Variants in WIPF3 observed in about 807,000 individuals in gnomAD.
WIPF3 encodes WAS/WASL interacting protein family member 3, also known as WAS/WASL-interacting protein family member 3.
In WIPF3, 33 loss-of-function variants were observed where a neutral mutation model predicts 38.9. That is an observed-to-expected ratio of 0.85 (90% CI 0.64 to 1.14). The LOEUF (loss-of-function observed/expected upper bound fraction) is 1.14. WIPF3 is among the 50% of genes most tolerant of loss of function. WIPF3 has a pLI of 0.00. For synonymous variants in WIPF3, 324 were observed against 269.3 expected (o/e 1.20, Z -1.99); for missense variants, 711 against 652.5 (o/e 1.09, Z -0.98).
In WIPF3 at chr7:29,884,148, C is replaced by A. The variant is rs957124467; in HGVS notation, c.654C>A (p.Pro218=). The A allele has an allele frequency of 1.3e-6, 2 of 1,532,310 alleles. No homozygotes were observed. Among genetic ancestry groups the A allele is most frequent in the Admixed American group, 2.0e-5 (1 of 49,354 alleles). The allele number at this position is 1,532,310 out of a possible 1,614,324, so 94.9% of individuals were successfully genotyped here. A position where few individuals can be genotyped will look rare whatever the true frequency, so the allele number is the denominator to read the frequency against. Residue 218 remains proline (P), a synonymous_variant, in exon 5 of 9, where the codon CCC becomes CCA. Coordinates refer to ENST00000242140, the MANE Select transcript of WIPF3 (RefSeq NM_001080529.3). Reference sequence around the variant, plus strand: ...GGAACCTCCCGGTGGTTGCACCCCCCGTCCCCTGTGCGCCACCACCTCCAC... The same window carrying A: ...GGAACCTCCCGGTGGTTGCACCCCCAGTCCCCTGTGCGCCACCACCTCCAC... ...TKGNLPVVAP[P]VPCAPPPPPP...
rs11337399 is a variant in WIPF3, at chr7:29,886,347, C to CT, written c.1100-1694dup. On this transcript the variant is annotated intron_variant, in intron 5 of 8. Coordinates refer to ENST00000242140, the MANE Select transcript of WIPF3 (RefSeq NM_001080529.3). ...TTATGATGTGATGAAAAAGACAAAG[C>CT]TTTTTTTTTTTTTTTTTTTTTTTTT... Among the ~76,000 whole-genome samples, 40 of 46,572 alleles carry CT rather than the reference C, an allele frequency of 8.6e-4. 2 individuals carry two copies. Among genetic ancestry groups the CT allele is most frequent in the Non-Finnish European group, 9.9e-4 (28 of 28,394 alleles). The allele number at this position is 46,572 out of a possible 152,430, so 30.6% of individuals were successfully genotyped here.
At chr7:29,858,127 T>C (rs1785215521) in intron 2 of WIPF3, among the ~76,000 whole-genome samples, 1 of 152,222 alleles carries the variant, frequency 6.6e-6, no homozygotes, top group African/African-American at 2.4e-5. Context: ...AGTACAAGTA[T>C]TTTTGGTTCT....
intron 2 of WIPF3, 112 bp from the exon 3 acceptor site, chr7:29,875,718 G>A: frequency 2.1e-6 from 3 of 1,411,990 alleles, no homozygotes; most frequent in East Asian, 2.3e-5. Context: ...GATCAGCCTT[G>A]GGAGTGGGAC....
chr7:29,847,786 G>C (rs1449009878), intron 2 of WIPF3, among the ~76,000 whole-genome samples: 3 of 152,162 alleles, frequency 2.0e-5, no homozygotes, highest in Non-Finnish European at 4.4e-5. Context: ...TGGGGAGTTA[G>C]AGTAATATTT....
chr7:29,851,479 C>G (rs1785095511), intron 2 of WIPF3, among the ~76,000 whole-genome samples: 3 of 152,170 alleles, frequency 2.0e-5, no homozygotes, highest in African/African-American at 7.2e-5. Context: ...CAGGGTCATG[C>G]AAGACCACTC....
intron 1 of WIPF3, among the ~76,000 whole-genome samples, chr7:29,814,651 T>A (rs1784429425): frequency 6.6e-6 from 1 of 152,244 alleles, no homozygotes; most frequent in South Asian, 2.1e-4. Context: ...TGAGCCTTCA[T>A]TTCCTCATCT....
At chr7:29,909,409 A>T (rs1237494593) in intron 8 of WIPF3, among the ~76,000 whole-genome samples, 1 of 152,230 alleles carries the variant, frequency 6.6e-6, no homozygotes, top group Non-Finnish European at 1.5e-5. Flanking sequence ...AGTTAGATAG[A>T]CTAAGGAAAA....
At chr7:29,857,112 G>A (rs1020299005) in intron 2 of WIPF3, among the ~76,000 whole-genome samples, 3 of 152,224 alleles carry the variant, frequency 2.0e-5, no homozygotes, top group African/African-American at 7.2e-5. Flanking sequence ...GGATGAGAAT[G>A]GCTGCCCTCC....
chr7:29,853,848 G>A (rs1583604077), intron 2 of WIPF3, among the ~76,000 whole-genome samples: 1 of 152,188 alleles, frequency 6.6e-6, no homozygotes, highest in Non-Finnish European at 1.5e-5. Context: ...CACTGGTGGT[G>A]GTGTGGTTGG....
At position 29,915,076 on chromosome 7, in the gene WIPF3, A is replaced by ATTTTTT. The variant is rs1562794252; in HGVS notation, c.*560_*561insTTTTTT. 9.2e-6 allele frequency: 1 copy of ATTTTTT among 109,030 alleles called. No individual in the cohort carries two copies. Among genetic ancestry groups the ATTTTTT allele is most frequent in the Non-Finnish European group, 1.8e-5 (1 of 56,228 alleles). 6.8% of individuals were successfully genotyped at this position (109,030 alleles called of 1,614,324 possible). On this transcript the variant is annotated 3_prime_UTR_variant, in exon 9 of 9. Coordinates refer to ENST00000242140, the MANE Select transcript of WIPF3 (RefSeq NM_001080529.3). ...CTCGCTTCCATTTTGCAGTACAGGG[A>ATTTTTT]ATTTTTTTTTTTTTTTTTTTTTTTT...
intron 1 of WIPF3, among the ~76,000 whole-genome samples, chr7:29,813,321 G>A (rs1784409206): frequency 6.6e-6 from 1 of 152,186 alleles, no homozygotes; most frequent in African/African-American, 2.4e-5. Flanking sequence ...GAACACAGAT[G>A]TCTAACAACA....
chr7:29,912,126 G>C (rs1336951746), intron 8 of WIPF3, among the ~76,000 whole-genome samples: 1 of 152,122 alleles, frequency 6.6e-6, no homozygotes, highest in Admixed American at 6.6e-5. Flanking sequence ...GACTTGAATA[G>C]ACATTTCTCT....
At chr7:29,812,938 A>G (rs1000017766) in intron 1 of WIPF3, among the ~76,000 whole-genome samples, 14 of 152,348 alleles carry the variant, frequency 9.2e-5, no homozygotes, top group African/African-American at 3.4e-4. Context: ...CTAAATCGCT[A>G]TTGTCAGCCT....
intron 8 of WIPF3, chr7:29,906,313 CG>C (rs1405619466): frequency 3.3e-5 from 5 of 151,822 alleles, no homozygotes; most frequent in African/African-American, 1.2e-4. Context: ...AGTCAAGAAA[CG>C]GATGTATGAA....
chr7:29,900,177 TC>T (rs56825936), intron 7 of WIPF3, among the ~76,000 whole-genome samples: 27,324 of 152,092 alleles, frequency 0.18, 2,516 homozygotes, highest in Middle Eastern at 0.27. Context: ...CCTCAAGTGA[TC>T]CGCCTGCCTC....
chr7:29,897,763 C>T (rs138690209), intron 7 of WIPF3, among the ~76,000 whole-genome samples: 121 of 152,260 alleles, frequency 7.9e-4, no homozygotes, highest in African/African-American at 2.6e-3. Flanking sequence ...TCCATCTTTG[C>T]GGAAGGCAGC....
At chr7:29,885,135 G>T (rs1583619497) in intron 5 of WIPF3, among the ~76,000 whole-genome samples, 1 of 152,206 alleles carries the variant, frequency 6.6e-6, no homozygotes, top group Non-Finnish European at 1.5e-5. Flanking sequence ...GTTTTCGCAG[G>T]TTCTCCGGCT....
At chr7:29,813,228 G>A (rs190051808) in intron 1 of WIPF3, among the ~76,000 whole-genome samples, 1 of 152,238 alleles carries the variant, frequency 6.6e-6, no homozygotes, top group East Asian at 1.9e-4. Context: ...TTACTCATGT[G>A]GGTCCCCAAA....
chr7:29,888,268 C>A (rs1363350705), intron 6 of WIPF3, 51 bp downstream of exon 6: 5 of 1,555,334 alleles, frequency 3.2e-6, no homozygotes, highest in Non-Finnish European at 4.4e-6. Flanking sequence ...GAAAGTGATT[C>A]TCCCAACCTC....
Sources: allele counts gnomAD v4.1 joint callset (sites outside exome capture counted in the v4.1 genomes callset), GRCh38; gene constraint gnomAD v4.1.1; transcripts MANE v1.5; gene names NCBI Gene and HGNC (gene_info 2026-07-23, HGNC 2026-07-21).